Variants in CLIP1 observed in about 807,000 individuals in gnomAD.
The protein encoded by CLIP1 is CAP-Gly domain containing linker protein 1.
CLIP1 carries 66 observed loss-of-function variants against 161.6 expected under a neutral mutation model. That is an observed-to-expected ratio of 0.41 (90% confidence interval 0.33 to 0.50). The LOEUF (loss-of-function observed/expected upper bound fraction) is 0.50, where lower values mean the gene tolerates loss of function less well. CLIP1 is among the 20% of genes least tolerant of loss of function. The pLI, the probability that CLIP1 is intolerant of heterozygous loss-of-function variation, is 0.27. For synonymous variants in CLIP1, 598 were observed against 626.2 expected, an observed-to-expected ratio of 0.96 and a Z score of 0.67; for missense variants, 1,376 against 1,702.0, an observed-to-expected ratio of 0.81 and a Z score of 3.37.
chr12:122,390,190 TATATATA>T (rs1397017634), intron 1 of CLIP1, among the ~76,000 whole-genome samples: 2 of 135,892 alleles, frequency 1.5e-5, no homozygotes, highest in African/African-American at 2.7e-5. Context: ...TATATATATA[TATATATA>T]ATATATATAT....
At chr12:122,351,520 C>T (rs1002484311) in intron 8 of CLIP1, among the ~76,000 whole-genome samples, 3 of 152,116 alleles carry the variant, frequency 2.0e-5, no homozygotes, top group African/African-American at 2.4e-5. Flanking sequence ...CCAGAAAATG[C>T]CCCCCTTGCT....
At chr12:122,376,941 C>G (rs921730144) in intron 3 of CLIP1, among the ~76,000 whole-genome samples, 12 of 151,838 alleles carry the variant, frequency 7.9e-5, no homozygotes, top group Admixed American at 2.6e-4. Flanking sequence ...ATTAATTTCT[C>G]TATAAAAGAG....
At position 122,380,856 on chromosome 12, in the gene CLIP1, G is replaced by A. The variant is rs982297180; in HGVS notation, c.-106-298C>T. Among the ~76,000 whole-genome samples the A allele has an allele frequency of 4.6e-5, 7 of 151,894 alleles. No homozygotes were observed. The South Asian group carries it at 6.2e-4, about 14-fold the overall frequency. On this transcript the variant is annotated intron_variant, in intron 1 of 25. Coordinates refer to ENST00000620786, the MANE Select transcript of CLIP1 (RefSeq NM_001247997.2). Reference sequence around the variant, plus strand: ...GAGGACTGTTTGAGGCCAGGAGTTCGAGACCAGCCTGATCAATATAGCAAG... The same window carrying A: ...GAGGACTGTTTGAGGCCAGGAGTTCAAGACCAGCCTGATCAATATAGCAAG...
intron 4 of CLIP1, 133 bp from the exon 5 acceptor site, chr12:122,361,314 C>T (rs565699783): frequency 4.1e-5 from 29 of 714,368 alleles, no homozygotes; most frequent in Non-Finnish European, 6.7e-5. Context: ...TGGGGTTACA[C>T]ACCAGCACGT....
chr12:122,408,413 A>G (rs1312088499), intron 1 of CLIP1, among the ~76,000 whole-genome samples: 3 of 151,542 alleles, frequency 2.0e-5, no homozygotes, highest in African/African-American at 7.3e-5. Flanking sequence ...CAGTGGTGCA[A>G]TCTCAGCTCA....
chr12:122,293,788 T>G (rs1171283345), intron 20 of CLIP1, among the ~76,000 whole-genome samples: 2 of 81,000 alleles, frequency 2.5e-5, no homozygotes, highest in South Asian at 5.2e-4. Context: ...TGAGAATTTG[T>G]TTTTTTTTTT....
Position 122,387,236 on chromosome 12 carries a change from G to A in CLIP1, c.-106-6678C>T, listed in dbSNP as rs542295781. Among the ~76,000 whole-genome samples the A allele has an allele frequency of 1.1e-4, 17 of 152,018 alleles. No individual in the cohort carries two copies. In the East Asian group the frequency reaches 2.1e-3, roughly 19 times the overall value. ...ATACAGTGGTTCTCAAAGTGTGGTC[G>A]GTGCACTCCCAGGGAACCTTTGAGA... On this transcript the variant is annotated intron_variant, in intron 1 of 25. Transcript: ENST00000620786.
At chr12:122,288,742 C>T (rs1025256882) in intron 20 of CLIP1, among the ~76,000 whole-genome samples, 1 of 152,052 alleles carries the variant, frequency 6.6e-6, no homozygotes, top group Non-Finnish European at 1.5e-5. Context: ...TCAGTAACTC[C>T]CCCTCCTCAG....
Position 122,327,930 on chromosome 12 carries a change from T to G in CLIP1, c.3249+17A>C, listed in dbSNP as rs1951769882. On this transcript the variant is annotated intron_variant, in intron 17 of 25. Coordinates refer to ENST00000620786, the MANE Select transcript of CLIP1 (RefSeq NM_001247997.2). ...CAGGCAAGCTACAACACAAGGAAAT[T>G]CTCTCGCGTCACGTACTTTGGCTTT... 6.2e-7 allele frequency: 1 copy of G among 1,612,028 alleles called. No homozygotes were observed. Among genetic ancestry groups the G allele is most frequent in the African/African-American group, 1.3e-5 (1 of 74,868 alleles).
At chr12:122,368,409 C>A (rs1294988679) in intron 3 of CLIP1, among the ~76,000 whole-genome samples, 1 of 152,142 alleles carries the variant, frequency 6.6e-6, no homozygotes, top group East Asian at 1.9e-4. Context: ...CTGATAAATT[C>A]CTGTTGGGTT....
chr12:122,405,156 T>C (rs1036635772), intron 1 of CLIP1, among the ~76,000 whole-genome samples: 5 of 152,168 alleles, frequency 3.3e-5, no homozygotes, highest in Admixed American at 2.0e-4. Flanking sequence ...GTCATGACTA[T>C]TTATAAGCAC....
intron 15 of CLIP1, among the ~76,000 whole-genome samples, chr12:122,331,456 G>A (rs1255921929): frequency 1.3e-5 from 2 of 151,590 alleles, no homozygotes; most frequent in African/African-American, 4.8e-5. Flanking sequence ...CTGAGATTAC[G>A]GGTGCACACC....
chr12:122,278,657 A>AT, intron 23 of CLIP1, 135 bp downstream of exon 23: 1 of 924,398 alleles, frequency 1.1e-6, no homozygotes, highest in East Asian at 2.6e-5. Flanking sequence ...CCCTTGATTG[A>AT]TTAAGTGGTG....
intron 1 of CLIP1, among the ~76,000 whole-genome samples, chr12:122,389,844 T>G (rs1955516010): frequency 6.8e-6 from 1 of 147,370 alleles, no homozygotes; most frequent in African/African-American, 2.5e-5. Flanking sequence ...CTAAATCTCA[T>G]GTTGAACTGT....
intron 3 of CLIP1, among the ~76,000 whole-genome samples, chr12:122,371,286 T>A (rs1363834258): frequency 6.6e-6 from 1 of 152,116 alleles, no homozygotes; most frequent in Non-Finnish European, 1.5e-5. Flanking sequence ...AGCAGTGGCA[T>A]GGGCTCCTCA....
chr12:122,339,911 G>A (rs1952415834), intron 11 of CLIP1, among the ~76,000 whole-genome samples: 1 of 152,076 alleles, frequency 6.6e-6, no homozygotes, highest in African/African-American at 2.4e-5. Flanking sequence ...GTAACACAAT[G>A]CTAAGTATTT....
chr12:122,368,136 A>C (rs1954258550), intron 3 of CLIP1, among the ~76,000 whole-genome samples: 1 of 152,122 alleles, frequency 6.6e-6, no homozygotes, highest in African/African-American at 2.4e-5. Flanking sequence ...CGCAAAAAAA[A>C]CCCTAGATAC....
At chr12:122,381,631 A>G (rs532654450) in intron 1 of CLIP1, among the ~76,000 whole-genome samples, 2 of 152,248 alleles carry the variant, frequency 1.3e-5, no homozygotes, top group Non-Finnish European at 2.9e-5. Context: ...TCAAATGACA[A>G]TGTTCTGCAT....
rs34294939 is a variant in CLIP1 at position 122,360,410 on chromosome 12, C to CA, written c.1005+548dup. On this transcript the variant is annotated intron_variant, in intron 5 of 25. Coordinates refer to ENST00000620786, the MANE Select transcript of CLIP1 (RefSeq NM_001247997.2). Reference sequence around the variant, plus strand: ...GCAACACAGTGGGTCCCTCTCTCTACAAAAAAAAAAAAAAAAAAAAAATTA... The same window carrying CA: ...GCAACACAGTGGGTCCCTCTCTCTACAAAAAAAAAAAAAAAAAAAAAAATTA... Among the ~76,000 whole-genome samples the CA allele has an allele frequency of 5.7e-3, 496 of 87,322 alleles. 3 individuals carry two copies. The highest frequency in any genetic ancestry group is 0.014 in the African/African-American group (302 of 22,024). 57.3% of individuals were successfully genotyped at this position (87,322 alleles called of 152,430 possible). A position where few individuals can be genotyped will look rare whatever the true frequency, so the allele number is the denominator to read the frequency against.
Sources: gnomAD v4.1 joint callset for allele counts (sites outside exome capture counted in the v4.1 genomes callset) on GRCh38, gnomAD v4.1.1 for gene constraint, MANE v1.5 for transcripts, NCBI Gene and HGNC (gene_info 2026-07-23, HGNC 2026-07-21) for gene names.